The following TBCD variants were observed in gnomAD, a reference collection of about 807,000 sequenced individuals.
The protein encoded by TBCD is tubulin-specific chaperone D.
In TBCD, 105 loss-of-function variants were observed where a neutral mutation model predicts 169.3. The observed-to-expected ratio is 0.62, with a 90% CI of 0.53 to 0.73. TBCD has a LOEUF of 0.73. TBCD is among the 30% of genes least tolerant of loss of function. The pLI is 0.00. For synonymous variants in TBCD, 700 were observed against 643.9 expected, an observed-to-expected ratio of 1.09 and a Z score of -1.32; for missense variants, 1,444 against 1,600.1, an observed-to-expected ratio of 0.90 and a Z score of 1.66.
At chr17:82,828,094 C>A (rs950720151) in intron 13 of TBCD, among the ~76,000 whole-genome samples, 71 of 148,640 alleles carry the variant, frequency 4.8e-4, no homozygotes, top group African/African-American at 1.7e-3. Flanking sequence ...ATCGAATGCA[C>A]ACCCCCCCGC....
chr17:82,918,101 A>G (rs2061179925), intron 23 of TBCD, among the ~76,000 whole-genome samples: 1 of 152,124 alleles, frequency 6.6e-6, no homozygotes, highest in Non-Finnish European at 1.5e-5. Context: ...TGTGCTTCCC[A>G]TGCTTCCTCC....
At chr17:82,752,735 C>A (rs1371210715) in intron 1 of TBCD, among the ~76,000 whole-genome samples, 1 of 152,186 alleles carries the variant, frequency 6.6e-6, no homozygotes, top group Non-Finnish European at 1.5e-5. Flanking sequence ...AGACTCGGGC[C>A]AGACCCCTCC....
chr17:82,755,624 CTCCCCACAA>C (rs2047364025), intron 1 of TBCD, among the ~76,000 whole-genome samples: 1 of 152,152 alleles, frequency 6.6e-6, no homozygotes, highest in Non-Finnish European at 1.5e-5. Context: ...ATGTGGACCA[CTCCCCACAA>C]TCCCTTAATA....
chr17:82,835,463 C>T lies in TBCD; in HGVS notation c.1318+20529C>T, dbSNP rs2053887278. On this transcript the variant is annotated intron_variant, in intron 13 of 38. Transcript: ENST00000355528. The surrounding 1 kb of genome is among the most constrained non-coding windows in gnomAD (Gnocchi z 4.5). ...TTGAGACGGAGTTTTGGTCTTGTTG[C>T]CCAGGCTGGAGGGCAGTGGTGCGAT... Among the ~76,000 whole-genome samples the T allele has an allele frequency of 6.6e-6, 1 of 152,110 alleles. No individual in the cohort carries two copies. Among genetic ancestry groups the T allele is most frequent in the Admixed American group, 6.5e-5 (1 of 15,272 alleles).
At position 82,911,795 on chromosome 17, in the gene TBCD, T is replaced by A; in HGVS notation, c.2038+6T>A. On this transcript the variant is annotated splice_donor_region_variant and intron_variant, in intron 23 of 38. Transcript: ENST00000355528. ...ACAGCTCATGAGACAAGCAGGTAAG[T>A]CTGAAGGCCTTTGCAGCCCTCTGCA... The A allele has an allele frequency of 6.2e-7, 1 of 1,613,804 alleles. No individual in the cohort carries two copies. Among genetic ancestry groups the A allele is most frequent in the Non-Finnish European group, 8.5e-7 (1 of 1,179,828 alleles).
At chr17:82,802,581 G>A (rs939323216) in intron 9 of TBCD, among the ~76,000 whole-genome samples, 3 of 152,248 alleles carry the variant, frequency 2.0e-5, no homozygotes, top group South Asian at 4.1e-4. Flanking sequence ...AAGGCCTCAG[G>A]GTGGAGACCC....
chr17:82,910,885 G>C (rs1830797285), intron 22 of TBCD, among the ~76,000 whole-genome samples: 2 of 152,204 alleles, frequency 1.3e-5, no homozygotes, highest in African/African-American at 4.8e-5. Context: ...TTTTTACTGG[G>C]ACTTGTGTGG....
intron 37 of TBCD, among the ~76,000 whole-genome samples, chr17:82,941,044 A>G (rs1568112612): frequency 1.3e-5 from 2 of 152,368 alleles, no homozygotes; most frequent in East Asian, 3.9e-4. Context: ...GCATTGCTAG[A>G]ATTTTTATTT....
At chr17:82,792,357 G>GCACACA (rs71168155) in intron 7 of TBCD, among the ~76,000 whole-genome samples, 4 of 145,666 alleles carry the variant, frequency 2.7e-5, no homozygotes, top group Admixed American at 1.4e-4. Context: ...ATACATGTGT[G>GCACACA]CACACACACA....
chr17:82,943,502 G>C lies in TBCD; in HGVS notation c.*1039G>C, dbSNP rs2063473871. ...AGCCCAGGGGTGCCATGTGCGTGGTGTAGATTAGGGTGGCTCCCTGGCCTG... is the reference window on the plus strand; with the variant it reads ...AGCCCAGGGGTGCCATGTGCGTGGTCTAGATTAGGGTGGCTCCCTGGCCTG... On this transcript the variant is annotated 3_prime_UTR_variant, in exon 39 of 39. Coordinates refer to ENST00000355528, the MANE Select transcript of TBCD (RefSeq NM_005993.5). 6.6e-6 allele frequency: 1 copy of C among 152,278 alleles called. No individual in the cohort carries two copies. Among genetic ancestry groups the C allele is most frequent in the Non-Finnish European group, 1.5e-5 (1 of 68,084 alleles). The allele number at this position is 152,278 out of a possible 1,614,324, so 9.4% of individuals were successfully genotyped here. A position where few individuals can be genotyped will look rare whatever the true frequency, so the allele number is the denominator to read the frequency against.
intron 11 of TBCD, among the ~76,000 whole-genome samples, chr17:82,808,333 C>G (rs915772078): frequency 6.8e-6 from 1 of 147,520 alleles, no homozygotes; most frequent in African/African-American, 2.5e-5. Flanking sequence ...CAGGGAGGTA[C>G]CTTCTGTGGA....
At chr17:82,878,648 T>A (rs1305050876) in intron 14 of TBCD, among the ~76,000 whole-genome samples, 1 of 152,198 alleles carries the variant, frequency 6.6e-6, no homozygotes, top group Non-Finnish European at 1.5e-5. Context: ...GCCAGGTGCC[T>A]CCACTTGAGG....
Position 82,884,201 on chromosome 17 carries a change from C to G in TBCD, c.1532C>G (p.Ser511Cys). 1 of 1,606,774 alleles carries G rather than the reference C, an allele frequency of 6.2e-7. No individual in the cohort carries two copies. Among genetic ancestry groups the G allele is most frequent in the Non-Finnish European group, 8.5e-7 (1 of 1,176,150 alleles). The change falls in exon 15 of 39, where the codon TCT becomes TGT. Residue 511 changes from serine to cysteine, a missense_variant and splice_region_variant. By Grantham distance (112) the Ser-to-Cys change is moderately radical. Coordinates refer to ENST00000355528, the MANE Select transcript of TBCD (RefSeq NM_005993.5). The surrounding 1 kb of genome is among the most constrained non-coding windows in gnomAD (Gnocchi z 4.2). ...GACATAAACTGCAGAAGAGCAGCCT[C>G]TGTAAGTTTTCTCATTTTGATATTT... Reference protein sequence around the residue: ...DRDINCRRAASAAFQENVGRQ... With the variant: ...DRDINCRRAACAAFQENVGRQ...
At chr17:82,755,961 G>A (rs2047380719) in intron 1 of TBCD, among the ~76,000 whole-genome samples, 1 of 152,156 alleles carries the variant, frequency 6.6e-6, no homozygotes, top group South Asian at 2.1e-4. Context: ...GGCCACAGTG[G>A]CCCTCAAAAG....
chr17:82,822,920 G>A (rs567115908), intron 13 of TBCD, among the ~76,000 whole-genome samples: 1 of 152,154 alleles, frequency 6.6e-6, no homozygotes, highest in African/African-American at 2.4e-5. Context: ...AGCTTGAACC[G>A]GGTTCCCAGG....
chr17:82,861,429 G>A (rs1180545209), intron 13 of TBCD, among the ~76,000 whole-genome samples: 1 of 152,198 alleles, frequency 6.6e-6, no homozygotes, highest in Non-Finnish European at 1.5e-5. Context: ...TTCTTTCTTG[G>A]GGGATGGATC....
intron 13 of TBCD, among the ~76,000 whole-genome samples, chr17:82,850,945 ACATAC>A (rs2055740396): frequency 6.6e-6 from 1 of 152,276 alleles, no homozygotes; most frequent in Non-Finnish European, 1.5e-5. Flanking sequence ...AACGCACATT[ACATAC>A]TGTGTGTGCA....
chr17:82,938,115 C>T lies in TBCD; in HGVS notation c.3348C>T (p.Leu1116=), dbSNP rs1473282647. 1.9e-6 allele frequency: 3 copies of T among 1,612,554 alleles called. No homozygotes were observed. The highest frequency in any genetic ancestry group is 1.1e-5 in the South Asian group (1 of 91,022). ...AGGCCCTCCTGCAGCTGTGTCTGCT[C>T]CTCTGCCACCGTTTCCCGCTGGTGA... The part of the protein sequence containing the change: ...RRQALLQLCL[L]LCHRFPLIRK... Residue 1116 remains leucine, a synonymous_variant, in exon 36 of 39, where the codon CTC becomes CTT. Transcript: ENST00000355528.
chr17:82,861,353 AGCCGCTGGTTCACG>A (rs1284742312), intron 13 of TBCD, among the ~76,000 whole-genome samples: 2 of 83,882 alleles, frequency 2.4e-5, no homozygotes. Flanking sequence ...GGTTCACGTC[AGCCGCTGGTTCACG>A]TCAGCTGCTG....
Sources: gnomAD v4.1 joint callset for allele counts (sites outside exome capture counted in the v4.1 genomes callset) on GRCh38, gnomAD v4.1.1 for gene constraint, Gnocchi (gnomAD v3.1) non-coding constraint, MANE v1.5 for transcripts, NCBI Gene and HGNC (gene_info 2026-07-23, HGNC 2026-07-21) for gene names.